Variants in NEGR1 observed in about 807,000 individuals in gnomAD.
The protein encoded by NEGR1 is IgLON family member 4.
Under a neutral mutation model 40.9 loss-of-function variants are expected in NEGR1, and 10 were observed. The ratio of observed to expected loss-of-function variants is 0.24; its 90% CI spans 0.15 to 0.42. The LOEUF (loss-of-function observed/expected upper bound fraction) is 0.42, where lower values mean the gene tolerates loss of function less well. NEGR1 is among the 10% of genes least tolerant of loss of function. The probability of loss-of-function intolerance (pLI) is 1.00; values close to 1 mark genes in which losing one functional copy is unlikely to be tolerated. For synonymous variants in NEGR1, 185 were observed against 166.8 expected, an observed-to-expected ratio of 1.11 and a Z score of -0.84; for missense variants, 352 against 438.9, an observed-to-expected ratio of 0.80 and a Z score of 1.77.
At chr1:71,975,365 T>G (rs532810052) in intron 1 of NEGR1, among the ~76,000 whole-genome samples, 34 of 152,280 alleles carry the variant, frequency 2.2e-4, no homozygotes, top group Middle Eastern at 3.4e-3. Flanking sequence ...ACCAAGGCTA[T>G]GTCTAAGGAT....
At chr1:72,272,069 A>G (rs902762984) in intron 1 of NEGR1, among the ~76,000 whole-genome samples, 2 of 151,938 alleles carry the variant, frequency 1.3e-5, no homozygotes, top group South Asian at 2.1e-4. Context: ...TTATGGGTTT[A>G]GAATTTTTCA....
chr1:71,877,317 G>T (rs1297211900), intron 2 of NEGR1, among the ~76,000 whole-genome samples: 5 of 152,136 alleles, frequency 3.3e-5, no homozygotes, highest in African/African-American at 4.8e-5. Flanking sequence ...TAACAAAGTT[G>T]CATGTACTGG....
intron 1 of NEGR1, among the ~76,000 whole-genome samples, chr1:72,250,510 T>C (rs1487142718): frequency 3.3e-5 from 5 of 152,312 alleles, no homozygotes; most frequent in East Asian, 1.9e-4. Context: ...TGCCTTCAAA[T>C]AGTAAATAAT....
chr1:71,627,307 A>C (rs1346849035), intron 4 of NEGR1, among the ~76,000 whole-genome samples: 2 of 151,788 alleles, frequency 1.3e-5, no homozygotes, highest in Middle Eastern at 3.2e-3. Flanking sequence ...TAAATGGTTA[A>C]CTTTAAATTT....
intron 3 of NEGR1, among the ~76,000 whole-genome samples, chr1:71,747,544 C>T (rs1031129441): frequency 2.0e-5 from 3 of 151,978 alleles, no homozygotes; most frequent in African/African-American, 7.3e-5. Context: ...CCTGCCTCAG[C>T]CTCTCAAGTA....
At chr1:71,962,219 A>G (rs1226387348) in intron 1 of NEGR1, among the ~76,000 whole-genome samples, 1 of 152,116 alleles carries the variant, frequency 6.6e-6, no homozygotes, top group Non-Finnish European at 1.5e-5. Flanking sequence ...ACAAAAGGCC[A>G]AAACAATCGC....
intron 4 of NEGR1, among the ~76,000 whole-genome samples, chr1:71,625,635 A>G (rs1276680652): frequency 6.6e-6 from 1 of 151,456 alleles, no homozygotes; most frequent in African/African-American, 2.4e-5. Flanking sequence ...ATGAATGAAT[A>G]TATGTGTTTA....
At chr1:71,552,581 A>G (rs925501308) in intron 6 of NEGR1, among the ~76,000 whole-genome samples, 5 of 148,454 alleles carry the variant, frequency 3.4e-5, no homozygotes, top group African/African-American at 1.2e-4. Flanking sequence ...TTCTCTGTAT[A>G]TATAGAATAT....
chr1:71,611,682 C>T (rs1650255608), intron 4 of NEGR1, among the ~76,000 whole-genome samples: 1 of 152,178 alleles, frequency 6.6e-6, no homozygotes, highest in Non-Finnish European at 1.5e-5. Flanking sequence ...TAACTCAAAG[C>T]CTGGGCTCTT....
intron 2 of NEGR1, among the ~76,000 whole-genome samples, chr1:71,909,029 C>T (rs185543441): frequency 6.6e-6 from 1 of 152,230 alleles, no homozygotes; most frequent in Non-Finnish European, 1.5e-5. Context: ...TTTAAACATG[C>T]AACTCCCAAT....
chr1:71,860,930 T>C (rs975482196), intron 2 of NEGR1, among the ~76,000 whole-genome samples: 4 of 151,950 alleles, frequency 2.6e-5, no homozygotes, highest in Admixed American at 6.6e-5. Flanking sequence ...TAAAATAGTA[T>C]AATTGGGTAT....
chr1:71,801,167 A>T (rs1185899740), intron 2 of NEGR1, among the ~76,000 whole-genome samples: 1 of 152,098 alleles, frequency 6.6e-6, no homozygotes, highest in Non-Finnish European at 1.5e-5. Context: ...TCTGGACATC[A>T]CACTCTCCTG....
At chr1:71,827,672 A>C (rs1658683007) in intron 2 of NEGR1, among the ~76,000 whole-genome samples, 1 of 151,966 alleles carries the variant, frequency 6.6e-6, no homozygotes. Context: ...TTGTTTCCAA[A>C]ATTAACTAGA....
chr1:71,776,853 G>A (rs1299836049), intron 2 of NEGR1, among the ~76,000 whole-genome samples: 4 of 151,944 alleles, frequency 2.6e-5, no homozygotes, highest in African/African-American at 4.8e-5. Flanking sequence ...TGTGTTCTAA[G>A]GAACACAAAT....
chr1:71,455,532 C>G (rs1646666022), intron 6 of NEGR1, among the ~76,000 whole-genome samples: 1 of 152,164 alleles, frequency 6.6e-6, no homozygotes, highest in Admixed American at 6.5e-5. Flanking sequence ...CGAGACCATC[C>G]TGGCCAACAT....
At chr1:71,617,444 C>T (rs1249625995) in intron 4 of NEGR1, among the ~76,000 whole-genome samples, 2 of 152,178 alleles carry the variant, frequency 1.3e-5, no homozygotes, top group East Asian at 1.9e-4. Context: ...GGAGGATGTT[C>T]GTGAGGATAT....
At chr1:71,465,029 T>C (rs1329173011) in intron 6 of NEGR1, among the ~76,000 whole-genome samples, 1 of 152,134 alleles carries the variant, frequency 6.6e-6, no homozygotes, top group African/African-American at 2.4e-5. Flanking sequence ...GGATTTCTTC[T>C]GGAAGTCTAG....
intron 2 of NEGR1, among the ~76,000 whole-genome samples, chr1:71,805,265 C>T (rs1423555300): frequency 1.3e-5 from 2 of 152,128 alleles, no homozygotes; most frequent in Non-Finnish European, 2.9e-5. Context: ...CCTCCATTTA[C>T]CTTGTGATAT....
chr1:71,523,155 A>G (rs1647173082), intron 6 of NEGR1, among the ~76,000 whole-genome samples: 1 of 151,918 alleles, frequency 6.6e-6, no homozygotes. Context: ...CTTGGAGCCA[A>G]TGAGCAGGTA....
Sources: allele counts gnomAD v4.1 joint callset (sites outside exome capture counted in the v4.1 genomes callset), GRCh38; gene constraint gnomAD v4.1.1; transcripts MANE v1.5; gene names NCBI Gene and HGNC (gene_info 2026-07-23, HGNC 2026-07-21).